EYA4: variants seen among roughly 807,000 people sequenced by gnomAD.
EYA4 encodes the protein EYA transcriptional coactivator and phosphatase 4.
A neutral mutation model predicts 87.9 loss-of-function variants in EYA4; 31 were observed. The observed-to-expected ratio is 0.35, with a 90% confidence interval of 0.27 to 0.48. EYA4 has a LOEUF of 0.48. Ranked by LOEUF, EYA4 falls within the 20% of genes least tolerant of loss-of-function variation. The pLI is 0.99. For synonymous variants in EYA4, 263 were observed against 270.6 expected (o/e 0.97, Z 0.28); for missense variants, 678 against 761.4 (o/e 0.89, Z 1.29).
chr6:133,266,135 G>T (rs1399527704), intron 1 of EYA4, among the ~76,000 whole-genome samples: 2 of 152,166 alleles, frequency 1.3e-5, no homozygotes, highest in Admixed American at 6.5e-5. Flanking sequence ...ACCTCATTTG[G>T]AAACAGGGTC....
Position 133,513,045 on chromosome 6 carries a change from G to A in EYA4, c.1501+7G>A, listed in dbSNP as rs776215887. On this transcript the variant is annotated splice_region_variant and intron_variant, in intron 16 of 19. Coordinates refer to ENST00000355286, the MANE Select transcript of EYA4 (RefSeq NM_004100.5). ...TACAAGAACAACGTTGGAGGTATGT[G>A]TGGCTTTTTCAATCTAACAAAGGTA... The A allele has an allele frequency of 1.9e-6, 3 of 1,613,400 alleles. No homozygotes were observed. The East Asian group carries it at 6.7e-5, about 36-fold the overall frequency.
At chr6:133,418,433 G>T (rs920217446) in intron 3 of EYA4, among the ~76,000 whole-genome samples, 4 of 152,114 alleles carry the variant, frequency 2.6e-5, no homozygotes, top group Non-Finnish European at 4.4e-5. Context: ...TGTATTAATT[G>T]CTCAAAAACA....
chr6:133,507,448 C>T (rs1358562030), intron 14 of EYA4: 4 of 151,922 alleles, frequency 2.6e-5, no homozygotes, highest in African/African-American at 7.3e-5. Context: ...CATAGATATA[C>T]ACATGCTGTG....
At chr6:133,511,920 G>T (rs943990289) in intron 14 of EYA4, among the ~76,000 whole-genome samples, 9 of 151,832 alleles carry the variant, frequency 5.9e-5, no homozygotes, top group African/African-American at 2.2e-4. Context: ...GGCAGAGCTT[G>T]CAGTGAGCCG....
intron 18 of EYA4, among the ~76,000 whole-genome samples, chr6:133,524,198 T>C (rs1800429112): frequency 2.0e-5 from 3 of 152,228 alleles, no homozygotes; most frequent in Non-Finnish European, 2.9e-5. Context: ...AATTTTGCTT[T>C]TTTGATGAAT....
chr6:133,393,899 T>A (rs1211204013), intron 3 of EYA4, among the ~76,000 whole-genome samples: 6 of 152,204 alleles, frequency 3.9e-5, no homozygotes, highest in Admixed American at 3.9e-4. Flanking sequence ...AGGCTTTTTC[T>A]AAAGTAGTGT....
chr6:133,274,643 A>G, intron 1 of EYA4, 73 bp from the exon 2 acceptor site: 1 of 747,522 alleles, frequency 1.3e-6, no homozygotes, highest in African/African-American at 1.7e-5. Flanking sequence ...CTATGTCTTG[A>G]TATGTTTTTG....
At chr6:133,313,879 A>G (rs1392231507) in intron 2 of EYA4, among the ~76,000 whole-genome samples, 1 of 141,228 alleles carries the variant, frequency 7.1e-6, no homozygotes, top group South Asian at 2.3e-4. Context: ...TTCCATGAGG[A>G]TCTTTCTGAT....
At chr6:133,377,806 T>C (rs1022052783) in intron 2 of EYA4, among the ~76,000 whole-genome samples, 25 of 152,040 alleles carry the variant, frequency 1.6e-4, no homozygotes, top group Admixed American at 5.3e-4. Context: ...AACTTTAATT[T>C]CCACTCTTAG....
chr6:133,359,738 A>T (rs75538304), intron 2 of EYA4, among the ~76,000 whole-genome samples: 218 of 152,304 alleles, frequency 1.4e-3, no homozygotes, highest in African/African-American at 5.0e-3. Flanking sequence ...TATTTACATA[A>T]AGTTGTTGAT....
intron 10 of EYA4, among the ~76,000 whole-genome samples, chr6:133,468,266 G>T (rs1012478718): frequency 1.3e-5 from 2 of 152,006 alleles, no homozygotes; most frequent in Non-Finnish European, 2.9e-5. Flanking sequence ...AGGTCCTGAT[G>T]ATGTAAATCC....
intron 13 of EYA4, among the ~76,000 whole-genome samples, chr6:133,504,075 G>A (rs1798378356): frequency 6.6e-6 from 1 of 152,054 alleles, no homozygotes; most frequent in Non-Finnish European, 1.5e-5. Context: ...ACACCACTGT[G>A]TCCAGCTAAT....
intron 2 of EYA4, among the ~76,000 whole-genome samples, chr6:133,319,622 A>G (rs1780904786): frequency 6.7e-6 from 1 of 150,254 alleles, no homozygotes; most frequent in Non-Finnish European, 1.5e-5. Context: ...TTCTAACCCC[A>G]TGTTCTCGCT....
intron 3 of EYA4, among the ~76,000 whole-genome samples, chr6:133,385,247 C>T (rs572289593): frequency 2.7e-5 from 4 of 146,252 alleles, no homozygotes; most frequent in East Asian, 2.0e-4. Flanking sequence ...TGCAGTGAGC[C>T]GAGATTGTGC....
intron 2 of EYA4, among the ~76,000 whole-genome samples, chr6:133,373,531 G>A (rs752378356): frequency 2.0e-5 from 3 of 151,948 alleles, no homozygotes; most frequent in Non-Finnish European, 4.4e-5. Flanking sequence ...GGTTCACTGC[G>A]AAGCTGCACA....
At chr6:133,318,985 G>GGCCA (rs1780839057) in intron 2 of EYA4, among the ~76,000 whole-genome samples, 1 of 152,176 alleles carries the variant, frequency 6.6e-6, no homozygotes, top group African/African-American at 2.4e-5. Context: ...GGTTATAGGA[G>GGCCA]GCCACATTTA....
chr6:133,302,122 G>A (rs150782227), intron 2 of EYA4, among the ~76,000 whole-genome samples: 1 of 152,340 alleles, frequency 6.6e-6, no homozygotes, highest in African/African-American at 2.4e-5. Flanking sequence ...TGGATGCCTA[G>A]TGAAGGAGTT....
In EYA4 at chr6:133,468,735, C is replaced by T. The variant is rs1398787812; in HGVS notation, c.970+4C>T. 6.2e-7 allele frequency: 1 copy of T among 1,612,634 alleles called. No individual in the cohort carries two copies. Among genetic ancestry groups the T allele is most frequent in the Admixed American group, 1.7e-5 (1 of 59,880 alleles). ...CCAGGACTGACTAACCAACCAGGTA[C>T]AGATCTTCACCCAGGTGAAATACTT... On this transcript the variant is annotated splice_donor_region_variant and intron_variant, in intron 11 of 19. Coordinates refer to ENST00000355286, the MANE Select transcript of EYA4 (RefSeq NM_004100.5).
chr6:133,286,856 T>TTA (rs1258513213), intron 2 of EYA4, among the ~76,000 whole-genome samples: 1 of 152,244 alleles, frequency 6.6e-6, no homozygotes, highest in Non-Finnish European at 1.5e-5. Flanking sequence ...TAGAGTTTTT[T>TTA]AACCTCAGCA....
Sources: allele counts gnomAD v4.1 joint callset (sites outside exome capture counted in the v4.1 genomes callset), GRCh38; gene constraint gnomAD v4.1.1; transcripts MANE v1.5; gene names NCBI Gene and HGNC (gene_info 2026-07-23, HGNC 2026-07-21).